Variants in C17orf75 observed in about 807,000 individuals in gnomAD.
C17orf75 encodes protein Njmu-R1.
Under a neutral mutation model 49.6 loss-of-function variants are expected in C17orf75, and 32 were observed. That is an observed-to-expected ratio of 0.65 (90% CI 0.49 to 0.87). C17orf75 has a LOEUF of 0.87. Ranked by LOEUF, C17orf75 falls within the 40% of genes least tolerant of loss-of-function variation. The pLI is 0.00. For missense variants in C17orf75, 428 were observed against 473.9 expected (o/e 0.90, Z 0.90); for synonymous variants, 158 against 159.5 (o/e 0.99, Z 0.07).
intron 3 of C17orf75, 77 bp from the exon 4 acceptor site, chr17:32,338,428 C>G: frequency 7.1e-7 from 1 of 1,404,512 alleles, no homozygotes; most frequent in Non-Finnish European, 9.6e-7. Flanking sequence ...GCTCTGAATT[C>G]TGGTCATCTT....
At chr17:32,332,434 G>C (rs939473696) in intron 9 of C17orf75, among the ~76,000 whole-genome samples, 1 of 152,120 alleles carries the variant, frequency 6.6e-6, no homozygotes, top group Non-Finnish European at 1.5e-5. Context: ...GAGCCACCAC[G>C]CGCAGCCAAA....
chr17:32,341,140 G>A (rs745932718), intron 2 of C17orf75, 64 bp downstream of exon 2: 8 of 1,531,504 alleles, frequency 5.2e-6, no homozygotes, highest in Non-Finnish European at 6.3e-6. Flanking sequence ...CCACTGACAT[G>A]TACAGGCCAG....
chr17:32,334,776 T>C lies in C17orf75; in HGVS notation c.733A>G (p.Arg245Gly). The C allele has an allele frequency of 6.2e-7, 1 of 1,600,930 alleles. No homozygotes were observed. The highest frequency in any genetic ancestry group is 2.2e-5 in the East Asian group (1 of 44,806). Residue 245 changes from arginine to glycine, a missense_variant and splice_region_variant, in exon 7 of 10, where the codon AGG (arginine) becomes GGG (glycine). Physicochemically the swap from Arg to Gly is moderately radical, Grantham distance 125. Coordinates refer to ENST00000577809, the MANE Select transcript of C17orf75 (RefSeq NM_022344.4). ...SDEKTKRDIN[R>G]FLSVASLQGL... ...CTCTTTGAAAAAACTGTTCTTTACC[T>C]GTTAATGTCTCTCTTTGTTTTTTCA...
chr17:32,348,869 T>A (rs2150782678), intron 1 of C17orf75, among the ~76,000 whole-genome samples: 1 of 138,158 alleles, frequency 7.2e-6, no homozygotes, highest in East Asian at 2.0e-4. Flanking sequence ...GCTCCAGTCT[T>A]TTTTTTTTTT....
chr17:32,335,294 A>G lies in C17orf75; in HGVS notation c.669+29T>C, dbSNP rs1426344860. 5 of 1,610,688 alleles carry G rather than the reference A, an allele frequency of 3.1e-6. No homozygotes were observed. In the African/African-American group the frequency reaches 4.0e-5, roughly 13 times the overall value. On this transcript the variant is annotated intron_variant, in intron 6 of 9. Transcript: ENST00000577809. ...AATCATCCAAAGTGATTCTCAGTTA[A>G]GGAAATGCTCTCATTTGGCAGTACT...
Position 32,338,320 on chromosome 17 carries a change from A to C in C17orf75, c.379T>G (p.Cys127Gly). The change falls in exon 4 of 10, where the codon TGC (cysteine) becomes GGC (glycine). Residue 127 changes from cysteine to glycine, a missense_variant. Physicochemically the swap from Cys to Gly is radical, Grantham distance 159. Transcript: ENST00000577809. ...IPGYRVGCYY[C>G]LFQNEKLLPE... ...AGCAGTTTTTCATTTTGGAAAAGGC[A>C]GTAATAACAACCAACTCGGTAACCT... 4.3e-6 allele frequency: 7 copies of C among 1,609,922 alleles called. No homozygotes were observed. Among genetic ancestry groups the C allele is most frequent in the Non-Finnish European group, 5.9e-6 (7 of 1,178,932 alleles).
chr17:32,346,411 C>T (rs1408507451), upstream of C17orf75, among the ~76,000 whole-genome samples: 1 of 152,074 alleles, frequency 6.6e-6, no homozygotes, highest in African/African-American at 2.4e-5. Flanking sequence ...CCACCGAAAC[C>T]CAGCTAATTT....
At chr17:32,346,190 CAGG>C (rs1281581066), upstream of C17orf75, among the ~76,000 whole-genome samples, 2 of 152,144 alleles carry the variant, frequency 1.3e-5, no homozygotes, top group African/African-American at 2.4e-5. Context: ...GAAGCTAAGG[CAGG>C]AGGATCACTT....
intron 1 of C17orf75, among the ~76,000 whole-genome samples, chr17:32,349,703 C>A (rs1171661566): frequency 1.3e-5 from 2 of 152,222 alleles, no homozygotes; most frequent in Admixed American, 1.3e-4. Flanking sequence ...TTTCCCTCAA[C>A]GCCGCACTGA....
At position 32,337,901 on chromosome 17, in the gene C17orf75, C is replaced by A. The variant is rs1392268397; in HGVS notation, c.545G>T (p.Cys182Phe). The A allele has an allele frequency of 3.1e-6, 5 of 1,604,142 alleles. No homozygotes were observed. The African/African-American group carries it at 5.3e-5, about 17-fold the overall frequency. ...YIQGLKNNMN[C>F]EARGLESHIK... ...CCATTAAGTCAGTCACCTTACCTCA[C>A]AATTCATGTTATTTTTCAGCCCTTG... The change falls in exon 5 of 10, where the codon TGT becomes TTT. Residue 182 changes from cysteine (C) to phenylalanine (F), a missense_variant. Coordinates refer to ENST00000577809, the MANE Select transcript of C17orf75 (RefSeq NM_022344.4).
chr17:32,337,741 GT>G (rs1463164470), intron 5 of C17orf75, among the ~76,000 whole-genome samples, 155 bp downstream of exon 5: 1 of 152,068 alleles, frequency 6.6e-6, no homozygotes, highest in East Asian at 1.9e-4. Flanking sequence ...GCCTGGCTAA[GT>G]TTTAGTAGAG....
upstream of C17orf75, among the ~76,000 whole-genome samples, chr17:32,343,194 A>G (rs2041396940): frequency 6.6e-6 from 1 of 152,140 alleles, no homozygotes; most frequent in Non-Finnish European, 1.5e-5. Flanking sequence ...AGGCTTCAAG[A>G]GAGTATGTCC....
upstream of C17orf75, chr17:32,343,738 C>G (rs776115509): frequency 1.3e-4 from 80 of 609,948 alleles, no homozygotes; most frequent in Admixed American, 7.0e-4. Context: ...TGTCAGTTTC[C>G]TTATCTCTCA....
upstream of C17orf75, among the ~76,000 whole-genome samples, chr17:32,346,707 G>T (rs1354154127): frequency 6.6e-6 from 1 of 152,062 alleles, no homozygotes. Flanking sequence ...CGAGTAGCTG[G>T]AACTACAGGC....
chr17:32,341,688 G>T, intron 1 of C17orf75: 1 of 563,158 alleles, frequency 1.8e-6, no homozygotes, highest in Non-Finnish European at 2.4e-6. Context: ...GACGGGAACT[G>T]AAATTATTGA....
At chr17:32,349,484 G>T (rs1485635465) in intron 1 of C17orf75, among the ~76,000 whole-genome samples, 2 of 152,164 alleles carry the variant, frequency 1.3e-5, no homozygotes, top group African/African-American at 4.8e-5. Context: ...GGGAGGCTGA[G>T]GTAGGAGAAT....
intron 2 of C17orf75, 79 bp from the exon 3 acceptor site, chr17:32,340,017 A>G: frequency 6.5e-7 from 1 of 1,534,380 alleles, no homozygotes; most frequent in South Asian, 1.2e-5. Context: ...AATGGTACCA[A>G]CGCCAGGGGC....
chr17:32,343,636 A>C (rs2041401467), upstream of C17orf75: 3 of 524,420 alleles, frequency 5.7e-6, no homozygotes, highest in African/African-American at 5.8e-5. Context: ...TGAGTATAGC[A>C]GTCAGATTCT....
At chr17:32,348,094 T>C (rs1286181719) in intron 1 of C17orf75, among the ~76,000 whole-genome samples, 1 of 151,730 alleles carries the variant, frequency 6.6e-6, no homozygotes, top group East Asian at 1.9e-4. Flanking sequence ...CTCGGCTCAC[T>C]GCAGCCTCCG....
Sources: allele counts gnomAD v4.1 joint callset (sites outside exome capture counted in the v4.1 genomes callset), GRCh38; gene constraint gnomAD v4.1.1; transcripts MANE v1.5; gene names NCBI Gene and HGNC (gene_info 2026-07-23, HGNC 2026-07-21).